The following WWOX variants were observed in gnomAD, a reference collection of about 807,000 sequenced individuals.
WWOX encodes WW domain containing oxidoreductase, also known as WW domain-containing oxidoreductase.
WWOX carries 69 observed loss-of-function variants against 46.2 expected under a neutral mutation model. That is an observed-to-expected ratio of 1.49 (90% confidence interval 1.23 to 1.82). The LOEUF is 1.82. Ranked by LOEUF, WWOX falls within the 40% of genes most tolerant of loss-of-function variation. The pLI, the probability that WWOX is intolerant of heterozygous loss-of-function variation, is 0.00. For missense variants in WWOX, 919 were observed against 542.6 expected (o/e 1.69, Z -6.89); for synonymous variants, 359 against 202.6 (o/e 1.77, Z -6.56).
chr16:78,721,689 T>A (rs1442449165), intron 8 of WWOX, among the ~76,000 whole-genome samples: 1 of 152,228 alleles, frequency 6.6e-6, no homozygotes, highest in Non-Finnish European at 1.5e-5. Context: ...TGCCTGAGCC[T>A]CTCGGAAATA....
intron 8 of WWOX, among the ~76,000 whole-genome samples, chr16:79,131,704 G>T (rs2049881937): frequency 6.6e-6 from 1 of 152,060 alleles, no homozygotes; most frequent in Non-Finnish European, 1.5e-5. Flanking sequence ...TCAAAAACAG[G>T]ACATGGGTGA....
intron 8 of WWOX, among the ~76,000 whole-genome samples, chr16:79,044,369 T>C (rs2048028235): frequency 6.6e-6 from 1 of 152,068 alleles, no homozygotes; most frequent in South Asian, 2.1e-4. Flanking sequence ...GGGAGGTGAT[T>C]GGGTCATGGG....
At chr16:78,265,226 C>T (rs2079337632) in intron 5 of WWOX, among the ~76,000 whole-genome samples, 1 of 151,876 alleles carries the variant, frequency 6.6e-6, no homozygotes, top group Admixed American at 6.6e-5. Context: ...GTCTTGAACT[C>T]CTGACCCTGA....
At chr16:78,718,568 T>G (rs1243239103) in intron 8 of WWOX, among the ~76,000 whole-genome samples, 1 of 152,006 alleles carries the variant, frequency 6.6e-6, no homozygotes, top group Non-Finnish European at 1.5e-5. Context: ...GAGCCAAGCA[T>G]GGGTGGTCCA....
At chr16:78,678,977 C>G (rs1017459614) in intron 8 of WWOX, among the ~76,000 whole-genome samples, 1 of 152,138 alleles carries the variant, frequency 6.6e-6, no homozygotes. Flanking sequence ...GCCCTAGACC[C>G]TTTTCCTCCC....
At chr16:78,665,526 A>C (rs545277676) in intron 8 of WWOX, among the ~76,000 whole-genome samples, 1 of 152,166 alleles carries the variant, frequency 6.6e-6, no homozygotes, top group African/African-American at 2.4e-5. Flanking sequence ...TGAGGCAGAA[A>C]CTTTAACAGA....
At chr16:78,658,749 C>T (rs914472333) in intron 8 of WWOX, among the ~76,000 whole-genome samples, 10 of 152,086 alleles carry the variant, frequency 6.6e-5, no homozygotes, top group Non-Finnish European at 1.3e-4. Flanking sequence ...AGGATGACCT[C>T]ATTTTACCTT....
chr16:78,765,049 T>C (rs2049895403), intron 8 of WWOX, among the ~76,000 whole-genome samples: 1 of 151,924 alleles, frequency 6.6e-6, no homozygotes, highest in African/African-American at 2.4e-5. Flanking sequence ...AACAGGACAG[T>C]GGAAGGGAAG....
intron 4 of WWOX, chr16:78,123,322 A>G (rs2033185137): frequency 6.6e-6 from 1 of 151,936 alleles, no homozygotes; most frequent in Non-Finnish European, 1.5e-5. Flanking sequence ...CTGGCCTAGC[A>G]ATAATATGAT....
intron 8 of WWOX, among the ~76,000 whole-genome samples, chr16:78,701,433 AG>A (rs1174005645): frequency 1.3e-5 from 2 of 152,022 alleles, no homozygotes; most frequent in Admixed American, 6.5e-5. Context: ...AGGAGGTTGA[AG>A]GTCCGATGGC....
rs138176976 is a variant in WWOX at position 78,454,910 on chromosome 16, T to C, written c.1056+22158T>C. Among the ~76,000 whole-genome samples, 13 of 152,364 alleles carry C rather than the reference T, an allele frequency of 8.5e-5. No homozygotes were observed. In the East Asian group the frequency reaches 2.5e-3, roughly 29 times the overall value. ...CACCCCGCTAGATCACAGTCTGTTCTTTGGCAGTCACTGCCCCAATACTGT... is the reference window on the plus strand; with the variant it reads ...CACCCCGCTAGATCACAGTCTGTTCCTTGGCAGTCACTGCCCCAATACTGT... On this transcript the variant is annotated intron_variant, in intron 8 of 8. Transcript: ENST00000566780.
intron 4 of WWOX, among the ~76,000 whole-genome samples, chr16:78,157,461 C>T (rs774673218): frequency 2.6e-5 from 4 of 152,152 alleles, no homozygotes; most frequent in Non-Finnish European, 5.9e-5. Flanking sequence ...TGTCGTCTTG[C>T]TTTAAAGGTT....
chr16:78,952,506 C>T (rs772253274), intron 8 of WWOX, among the ~76,000 whole-genome samples: 2 of 152,002 alleles, frequency 1.3e-5, no homozygotes, highest in Non-Finnish European at 2.9e-5. Flanking sequence ...CCTCTGCCTC[C>T]TGAGTAGCTG....
chr16:78,175,901 C>G (rs1345364376), intron 5 of WWOX, among the ~76,000 whole-genome samples: 1 of 152,166 alleles, frequency 6.6e-6, no homozygotes, highest in Non-Finnish European at 1.5e-5. Context: ...GACATGTATA[C>G]TTACCCAGGA....
chr16:78,185,832 A>G (rs554588974), intron 5 of WWOX, among the ~76,000 whole-genome samples: 21 of 131,158 alleles, frequency 1.6e-4, no homozygotes, highest in Non-Finnish European at 2.9e-4. Flanking sequence ...ACGCCCAGCT[A>G]ATTTTTGTAT....
intron 5 of WWOX, among the ~76,000 whole-genome samples, chr16:78,308,943 T>C (rs1478618791): frequency 1.3e-5 from 2 of 152,178 alleles, no homozygotes; most frequent in Non-Finnish European, 2.9e-5. Context: ...CTCGGGTGTT[T>C]AGCTAATAAC....
chr16:78,767,820 T>C (rs923996073), intron 8 of WWOX, among the ~76,000 whole-genome samples: 9 of 152,294 alleles, frequency 5.9e-5, no homozygotes, highest in Non-Finnish European at 1.2e-4. Flanking sequence ...TTAAGCGTAC[T>C]TTCACGTGCC....
intron 8 of WWOX, among the ~76,000 whole-genome samples, chr16:78,550,061 C>T (rs1202886519): frequency 6.6e-6 from 1 of 152,180 alleles, no homozygotes; most frequent in African/African-American, 2.4e-5. Context: ...AATGAAGTTA[C>T]CTGGTAGGGA....
chr16:78,766,945 C>T (rs747607057), intron 8 of WWOX, among the ~76,000 whole-genome samples: 1 of 152,182 alleles, frequency 6.6e-6, no homozygotes, highest in Non-Finnish European at 1.5e-5. Context: ...TCCTCACTTC[C>T]CCAAGCTTGT....
Sources: allele counts gnomAD v4.1 joint callset (sites outside exome capture counted in the v4.1 genomes callset), GRCh38; gene constraint gnomAD v4.1.1; transcripts MANE v1.5; gene names NCBI Gene and HGNC (gene_info 2026-07-23, HGNC 2026-07-21).